CFAP53: variants seen among roughly 807,000 people sequenced by gnomAD.
CFAP53 encodes the protein cilia and flagella associated protein 53.
A neutral mutation model predicts 59.7 loss-of-function variants in CFAP53; 62 were observed. That is an observed-to-expected ratio of 1.04 (90% CI 0.85 to 1.28). The LOEUF (loss-of-function observed/expected upper bound fraction) is 1.28. Ranked by LOEUF, CFAP53 falls within the 50% of genes most tolerant of loss-of-function variation. The pLI, the probability that CFAP53 is intolerant of heterozygous loss-of-function variation, is 0.00. For missense variants in CFAP53, 629 were observed against 615.6 expected (o/e 1.02, Z -0.23); for synonymous variants, 218 against 205.7 (o/e 1.06, Z -0.51).
chr18:50,231,338 C>T (rs894721216), intron 7 of CFAP53, among the ~76,000 whole-genome samples: 7 of 152,222 alleles, frequency 4.6e-5, no homozygotes, highest in Non-Finnish European at 1.0e-4. Context: ...TTTACCCCTG[C>T]ACCACTGACC....
At chr18:50,243,169 T>C in intron 5 of CFAP53, 53 bp from the exon 6 acceptor site, 5 of 1,278,170 alleles carry the variant, frequency 3.9e-6, no homozygotes, top group Non-Finnish European at 5.6e-6. Flanking sequence ...GATACTATAG[T>C]AAGGATACAT....
At chr18:50,260,515 A>T (rs774018275) in intron 3 of CFAP53, among the ~76,000 whole-genome samples, 5 of 152,172 alleles carry the variant, frequency 3.3e-5, no homozygotes, top group Non-Finnish European at 4.4e-5. Context: ...ATACAAAAAA[A>T]TTAGCTGGGC....
chr18:50,259,291 T>C (rs2033870763), intron 3 of CFAP53, among the ~76,000 whole-genome samples: 1 of 152,154 alleles, frequency 6.6e-6, no homozygotes, highest in Non-Finnish European at 1.5e-5. Flanking sequence ...TGAAATCCAG[T>C]CATTTATAAC....
intron 5 of CFAP53, among the ~76,000 whole-genome samples, chr18:50,250,062 T>C (rs1035476361): frequency 3.3e-5 from 5 of 151,852 alleles, no homozygotes; most frequent in Non-Finnish European, 4.4e-5. Flanking sequence ...CTACAAAAAA[T>C]ACATAAATTA....
At chr18:50,245,346 C>G (rs1180384887) in intron 5 of CFAP53, among the ~76,000 whole-genome samples, 5 of 139,672 alleles carry the variant, frequency 3.6e-5, no homozygotes, top group Admixed American at 7.5e-5. Context: ...TGCACCACTG[C>G]AGTCCGCAGT....
chr18:50,258,368 C>T (rs2144431605), intron 3 of CFAP53, among the ~76,000 whole-genome samples: 1 of 152,226 alleles, frequency 6.6e-6, no homozygotes, highest in Middle Eastern at 3.4e-3. Flanking sequence ...ACAGTCTCTT[C>T]AATATATGAT....
At chr18:50,235,578 T>C (rs2033625889) in intron 7 of CFAP53, among the ~76,000 whole-genome samples, 1 of 152,122 alleles carries the variant, frequency 6.6e-6, no homozygotes, top group South Asian at 2.1e-4. Context: ...AAAATAATAA[T>C]AACAGTAAGA....
chr18:50,248,622 A>G (rs1467604086), intron 5 of CFAP53, among the ~76,000 whole-genome samples: 1 of 151,596 alleles, frequency 6.6e-6, no homozygotes, highest in African/African-American at 2.4e-5. Flanking sequence ...CATCTCTACT[A>G]AAAATAGAAA....
intron 7 of CFAP53, among the ~76,000 whole-genome samples, chr18:50,234,899 A>AG (rs2033616944): frequency 6.6e-6 from 1 of 152,214 alleles, no homozygotes; most frequent in African/African-American, 2.4e-5. Context: ...TTGCAGGTAT[A>AG]CCCATGCTTG....
chr18:50,258,376 G>A (rs896727498), intron 3 of CFAP53, among the ~76,000 whole-genome samples: 12 of 152,178 alleles, frequency 7.9e-5, no homozygotes, highest in Admixed American at 5.2e-4. Context: ...TTCAATATAT[G>A]ATGCTGGGAA....
At chr18:50,235,449 C>G (rs1220982558) in intron 7 of CFAP53, among the ~76,000 whole-genome samples, 2 of 151,942 alleles carry the variant, frequency 1.3e-5, no homozygotes, top group African/African-American at 4.8e-5. Context: ...CGCCTGTAAC[C>G]CCAGCTACTT....
At chr18:50,263,924 G>A (rs969910793) in intron 1 of CFAP53, among the ~76,000 whole-genome samples, 5 of 152,166 alleles carry the variant, frequency 3.3e-5, no homozygotes, top group African/African-American at 1.2e-4. Context: ...GATAAGTTAG[G>A]GGTATGACCT....
In CFAP53 at chr18:50,247,901, T is replaced by C. The variant is rs545409920; in HGVS notation, c.996+2857A>G. On this transcript the variant is annotated intron_variant, in intron 5 of 7. Coordinates refer to ENST00000398545, the MANE Select transcript of CFAP53 (RefSeq NM_145020.5). ...TATCTGTGAAAACAGTAAAATCCACTGAATTGTATGGTTTAAACTGGGGAA... is the reference window on the plus strand; with the variant it reads ...TATCTGTGAAAACAGTAAAATCCACCGAATTGTATGGTTTAAACTGGGGAA... Among the ~76,000 whole-genome samples, 10 of 152,288 alleles carry C rather than the reference T, an allele frequency of 6.6e-5. No homozygotes were observed. In the East Asian group the frequency reaches 1.9e-3, roughly 29 times the overall value.
intron 7 of CFAP53, among the ~76,000 whole-genome samples, chr18:50,229,929 T>C (rs997647001): frequency 6.6e-6 from 1 of 152,024 alleles, no homozygotes. Context: ...TTTGTTGTTG[T>C]TGTATTTTTT....
chr18:50,259,726 C>T (rs1014929996), intron 3 of CFAP53, among the ~76,000 whole-genome samples: 1 of 152,020 alleles, frequency 6.6e-6, no homozygotes, highest in Non-Finnish European at 1.5e-5. Flanking sequence ...AGCCACTGCG[C>T]CCGGCCAATT....
intron 6 of CFAP53, among the ~76,000 whole-genome samples, chr18:50,241,804 C>T (rs977223989): frequency 2.4e-4 from 37 of 152,078 alleles, no homozygotes; most frequent in African/African-American, 1.9e-4. Context: ...TGAGGGTCTG[C>T]GTCCCACTGT....
intron 5 of CFAP53, among the ~76,000 whole-genome samples, chr18:50,245,245 G>A (rs1457949794): frequency 2.6e-5 from 4 of 151,278 alleles, no homozygotes; most frequent in Admixed American, 6.6e-5. Flanking sequence ...AGCCAGGCGC[G>A]GTGGTGGGCG....
intron 5 of CFAP53, among the ~76,000 whole-genome samples, chr18:50,246,040 C>A (rs952701890): frequency 2.6e-5 from 4 of 152,166 alleles, no homozygotes; most frequent in Admixed American, 6.5e-5. Flanking sequence ...CAGGCATGGG[C>A]CACCATGCCT....
At chr18:50,232,731 TCCCA>T (rs2051292097) in intron 7 of CFAP53, among the ~76,000 whole-genome samples, 1 of 152,218 alleles carries the variant, frequency 6.6e-6, no homozygotes, top group Non-Finnish European at 1.5e-5. Context: ...GAAGAATTTA[TCCCA>T]CACCTTGTAG....
Sources: allele counts gnomAD v4.1 joint callset (sites outside exome capture counted in the v4.1 genomes callset), GRCh38; gene constraint gnomAD v4.1.1; transcripts MANE v1.5; gene names NCBI Gene and HGNC (gene_info 2026-07-23, HGNC 2026-07-21).